The following BMP2K variants were observed in gnomAD, a reference collection of about 807,000 sequenced individuals.
BMP2K encodes BMP2 inducible kinase.
A neutral mutation model predicts 116.0 loss-of-function variants in BMP2K; 74 were observed. The observed-to-expected ratio is 0.64, with a 90% confidence interval of 0.53 to 0.77. The LOEUF (loss-of-function observed/expected upper bound fraction) is 0.77. Among genes scored for constraint, BMP2K ranks in the 30% least tolerant of loss-of-function variants. The pLI, the probability that BMP2K is intolerant of heterozygous loss-of-function variation, is 0.00. For missense variants in BMP2K, 1,365 were observed against 1,403.6 expected, an observed-to-expected ratio of 0.97 and a Z score of 0.44; for synonymous variants, 486 against 502.5, an observed-to-expected ratio of 0.97 and a Z score of 0.44.
chr4:78,872,319 TTTTTTTTTTTA>T (rs1208573874), intron 12 of BMP2K: 126 of 229,988 alleles, frequency 5.5e-4, no homozygotes, highest in African/African-American at 2.6e-3. Flanking sequence ...TTTTTTTTTT[TTTTTTTTTTTA>T]ACAGCAACCA....
In BMP2K at chr4:78,865,618, A is replaced by G; in HGVS notation, c.1129A>G (p.Asn377Asp). ...SIAPRQRPKANSATTATPSVL... is the reference protein window; with the variant it reads ...SIAPRQRPKADSATTATPSVL... Reference sequence around the variant, plus strand: ...TGCACCAAGACAAAGACCAAAGGCCAACTCTGCTACTACTGCCACTCCCAG... The same window carrying G: ...TGCACCAAGACAAAGACCAAAGGCCGACTCTGCTACTACTGCCACTCCCAG... The change falls in exon 10 of 16, where the codon AAC becomes GAC. Residue 377 changes from asparagine (N) to aspartate (D), a missense_variant. Transcript: ENST00000502613. The G allele has an allele frequency of 1.2e-6, 2 of 1,614,172 alleles. No individual in the cohort carries two copies. Among genetic ancestry groups the G allele is most frequent in the Non-Finnish European group, 1.7e-6 (2 of 1,180,000 alleles).
chr4:78,835,860 G>A (rs916473046), intron 3 of BMP2K, among the ~76,000 whole-genome samples: 11 of 152,230 alleles, frequency 7.2e-5, no homozygotes, highest in African/African-American at 2.2e-4. Flanking sequence ...ATAATTCTGT[G>A]CATGAAGAGG....
At chr4:78,781,304 G>A (rs1229268624) in intron 1 of BMP2K, among the ~76,000 whole-genome samples, 1 of 152,180 alleles carries the variant, frequency 6.6e-6, no homozygotes, top group Non-Finnish European at 1.5e-5. Context: ...ATGACAGTGG[G>A]GATGAAGATG....
chr4:78,790,218 G>A (rs1727932401), intron 1 of BMP2K, among the ~76,000 whole-genome samples: 1 of 152,126 alleles, frequency 6.6e-6, no homozygotes, highest in African/African-American at 2.4e-5. Flanking sequence ...ATAGAATGGT[G>A]CTTGATTTAT....
In BMP2K at chr4:78,870,928, CCAGCAGCAG is replaced by C. The variant is rs3063772; in HGVS notation, c.1395_1403del (p.Gln484_Gln486del). ...TCCATTTACAGCATCGTCATCCTCA[CCAGCAGCAG>C]CAGCAGCAGCAGCAGCAACAGCAAC... On this transcript the variant is annotated inframe_deletion, in exon 11 of 16. Coordinates refer to ENST00000502613, the MANE Select transcript of BMP2K (RefSeq NM_198892.2). 5.6e-5 allele frequency: 89 copies of C among 1,599,212 alleles called. No individual in the cohort carries two copies. Among genetic ancestry groups the C allele is most frequent in the African/African-American group, 3.9e-4 (29 of 73,886 alleles).
At chr4:78,811,264 A>G (rs1007972731) in intron 1 of BMP2K, among the ~76,000 whole-genome samples, 1 of 152,230 alleles carries the variant, frequency 6.6e-6, no homozygotes, top group Admixed American at 6.5e-5. Flanking sequence ...GTAGTTGTTA[A>G]CATGAATTAC....
chr4:78,905,804 G>T (rs12647524), intron 15 of BMP2K, among the ~76,000 whole-genome samples: 10,486 of 151,920 alleles, frequency 0.069, 504 homozygotes, highest in East Asian at 0.22. Flanking sequence ...ATAGTGGGAA[G>T]ATCTGAAATT....
chr4:78,797,403 T>C (rs1193097562), intron 1 of BMP2K, among the ~76,000 whole-genome samples: 2 of 152,200 alleles, frequency 1.3e-5, no homozygotes, highest in East Asian at 3.9e-4. Flanking sequence ...AGAGGAATAA[T>C]GCAAAGATTC....
chr4:78,859,334 T>C (rs967005193), intron 7 of BMP2K: 1 of 300,498 alleles, frequency 3.3e-6, no homozygotes, highest in Non-Finnish European at 6.1e-6. Context: ...TTCAATAGAA[T>C]AATCAAGTTT....
At chr4:78,785,636 CA>C (rs1001066456) in intron 1 of BMP2K, among the ~76,000 whole-genome samples, 14 of 152,128 alleles carry the variant, frequency 9.2e-5, no homozygotes, top group African/African-American at 3.4e-4. Flanking sequence ...AGTAACAAAA[CA>C]AAACCTTTTT....
At chr4:78,831,075 C>T (rs1730183612) in intron 2 of BMP2K, among the ~76,000 whole-genome samples, 2 of 152,266 alleles carry the variant, frequency 1.3e-5, no homozygotes, top group Admixed American at 6.5e-5. Flanking sequence ...TTGATTAAAA[C>T]GATAATTGTG....
intron 15 of BMP2K, among the ~76,000 whole-genome samples, chr4:78,901,925 G>T (rs190393195): frequency 6.6e-6 from 1 of 152,232 alleles, no homozygotes; most frequent in Admixed American, 6.5e-5. Flanking sequence ...GACCCACCTC[G>T]TGGGCTTTAT....
intron 1 of BMP2K, among the ~76,000 whole-genome samples, chr4:78,811,495 A>C (rs899263373): frequency 2.6e-5 from 4 of 152,250 alleles, no homozygotes; most frequent in African/African-American, 4.8e-5. Flanking sequence ...ACATGTATGC[A>C]TATGCAGGTA....
chr4:78,829,402 G>GT lies in BMP2K; in HGVS notation c.297+3262dup, dbSNP rs79345386. Reference sequence around the variant, plus strand: ...AGGCTCCACTTAATTATAGTTTTTTGTTTTTTTTTTTTTTTCTGTTTCTAC... The same window carrying GT: ...AGGCTCCACTTAATTATAGTTTTTTGTTTTTTTTTTTTTTTTCTGTTTCTAC... On this transcript the variant is annotated intron_variant, in intron 2 of 15. Transcript: ENST00000502613. Among the ~76,000 whole-genome samples the GT allele has an allele frequency of 4.2e-3, 559 of 133,752 alleles. 3 individuals carry two copies. Among genetic ancestry groups the GT allele is most frequent in the Non-Finnish European group, 5.6e-3 (334 of 59,408 alleles). 87.7% of individuals were successfully genotyped at this position (133,752 alleles called of 152,430 possible).
chr4:78,841,446 C>T (rs912201699), intron 3 of BMP2K, among the ~76,000 whole-genome samples: 1 of 152,160 alleles, frequency 6.6e-6, no homozygotes, highest in Non-Finnish European at 1.5e-5. Context: ...ATAACCTTCT[C>T]AGGGCTTAAT....
Position 78,844,967 on chromosome 4 carries a change from C to G in BMP2K, c.586C>G (p.Leu196Val). 6.3e-7 allele frequency: 1 copy of G among 1,599,452 alleles called. No homozygotes were observed. The highest frequency in any genetic ancestry group is 8.6e-7 in the Non-Finnish European group (1 of 1,168,268). Residue 196 changes from leucine (L) to valine (V), a missense_variant, in exon 5 of 16, where the codon CTT becomes GTT. Transcript: ENST00000502613. ...GTTGAATGATGGTGGGAACTATGTACTTTGTGACTTTGGCAGTGCCACTAA... is the reference window on the plus strand; with the variant it reads ...GTTGAATGATGGTGGGAACTATGTAGTTTGTGACTTTGGCAGTGCCACTAA... ...ILLNDGGNYV[L>V]CDFGSATNKF...
chr4:78,786,460 C>T (rs1578464919), intron 1 of BMP2K, among the ~76,000 whole-genome samples: 1 of 139,198 alleles, frequency 7.2e-6, no homozygotes, highest in African/African-American at 3.0e-5. Flanking sequence ...TGTTTTGAGA[C>T]ACGGTCTCTA....
chr4:78,782,172 C>T (rs1019880465), intron 1 of BMP2K, among the ~76,000 whole-genome samples: 6 of 152,192 alleles, frequency 3.9e-5, no homozygotes, highest in Non-Finnish European at 5.9e-5. Flanking sequence ...TCTCTGTAAT[C>T]CCTGTTTCCT....
intron 3 of BMP2K, among the ~76,000 whole-genome samples, chr4:78,841,311 A>G (rs192290704): frequency 6.6e-6 from 1 of 152,138 alleles, no homozygotes; most frequent in Non-Finnish European, 1.5e-5. Context: ...TGAATTCCCA[A>G]ACTCAATTTT....
Sources: allele counts gnomAD v4.1 joint callset (sites outside exome capture counted in the v4.1 genomes callset), GRCh38; gene constraint gnomAD v4.1.1; transcripts MANE v1.5; gene names NCBI Gene and HGNC (gene_info 2026-07-23, HGNC 2026-07-21).